The following ZNF568 variants were observed in gnomAD, a reference collection of about 807,000 sequenced individuals.
ZNF568 encodes the protein zinc finger protein 568, also known as p53 inhibitor of SCO2 activation.
Under a neutral mutation model 18.1 loss-of-function variants are expected in ZNF568, and 11 were observed. The observed-to-expected ratio is 0.61, with a 90% CI of 0.38 to 1.00. The LOEUF (loss-of-function observed/expected upper bound fraction) is 1.00, where lower values mean the gene tolerates loss of function less well. ZNF568 is among the 50% of genes least tolerant of loss of function. The pLI is 0.01. For missense variants in ZNF568, 639 were observed against 768.2 expected, an observed-to-expected ratio of 0.83 and a Z score of 1.99; for synonymous variants, 213 against 246.6, an observed-to-expected ratio of 0.86 and a Z score of 1.28.
chr19:36,948,171 C>A (rs1167231751), intron 6 of ZNF568, among the ~76,000 whole-genome samples: 1 of 152,136 alleles, frequency 6.6e-6, no homozygotes, highest in Non-Finnish European at 1.5e-5. Flanking sequence ...CTCTGGCAAC[C>A]ACTGATACCT....
At chr19:36,997,555 A>G, downstream of ZNF568, 1 of 1,586,160 alleles carries the variant, frequency 6.3e-7, no homozygotes. Context: ...CTACGAGTGT[A>G]AGGAGTGTGG....
chr19:36,993,610 C>T (rs2074444212), intron 4 of ZNF568, among the ~76,000 whole-genome samples: 1 of 152,062 alleles, frequency 6.6e-6, no homozygotes, highest in African/African-American at 2.4e-5. Flanking sequence ...TCTATTTCCT[C>T]TTGAGTCAAT....
downstream of ZNF568, among the ~76,000 whole-genome samples, chr19:36,954,389 T>C (rs1332975093): frequency 2.0e-5 from 3 of 152,182 alleles, no homozygotes; most frequent in East Asian, 5.8e-4. Context: ...CAGTTTTGAT[T>C]GTTATTAGGT....
At chr19:36,923,173 C>G (rs961854446) in intron 3 of ZNF568, among the ~76,000 whole-genome samples, 1 of 152,170 alleles carries the variant, frequency 6.6e-6, no homozygotes, top group African/African-American at 2.4e-5. Context: ...TCTCAATATT[C>G]TGGTATTCAC....
chr19:36,988,073 G>C (rs572087250), intron 2 of ZNF568, among the ~76,000 whole-genome samples: 2 of 152,028 alleles, frequency 1.3e-5, no homozygotes. Flanking sequence ...CTATGTGTTA[G>C]TATGTCTCCT....
chr19:36,995,902 G>A (rs535393342), intron 4 of ZNF568, among the ~76,000 whole-genome samples: 8 of 152,210 alleles, frequency 5.3e-5, no homozygotes, highest in East Asian at 1.9e-4. Flanking sequence ...AATATTGGCA[G>A]GATAATAACC....
intron 4 of ZNF568, chr19:36,996,186 C>T: frequency 1.3e-6 from 1 of 786,860 alleles, no homozygotes; most frequent in East Asian, 2.7e-5. Context: ...TTTTCACTTC[C>T]CTTTTTTTTT....
At chr19:36,986,944 G>C (rs2074381324) in intron 2 of ZNF568, among the ~76,000 whole-genome samples, 1 of 152,180 alleles carries the variant, frequency 6.6e-6, no homozygotes, top group Non-Finnish European at 1.5e-5. Flanking sequence ...GAAGTTAGAA[G>C]GCAACCAGCT....
chr19:36,991,561 G>A, intron 3 of ZNF568: 2 of 629,888 alleles, frequency 3.2e-6, no homozygotes, highest in Non-Finnish European at 5.2e-6. Context: ...GAATGGTTAA[G>A]TGGAATCACA....
intron 2 of ZNF568, among the ~76,000 whole-genome samples, chr19:36,985,486 C>T (rs1019184991): frequency 6.7e-6 from 1 of 150,010 alleles, no homozygotes; most frequent in African/African-American, 2.5e-5. Context: ...TGGAATTATG[C>T]CTCTTTGCAT....
At chr19:36,919,883 T>C (rs1281955508) in intron 2 of ZNF568, among the ~76,000 whole-genome samples, 3 of 152,228 alleles carry the variant, frequency 2.0e-5, no homozygotes, top group Non-Finnish European at 4.4e-5. Context: ...CATAAAATTA[T>C]GTACAGTACA....
intron 6 of ZNF568, among the ~76,000 whole-genome samples, chr19:36,941,459 C>T (rs139032405): frequency 8.5e-4 from 130 of 152,284 alleles, no homozygotes; most frequent in African/African-American, 3.1e-3. Context: ...ATTAGACCTT[C>T]CTATTTCTAA....
intron 6 of ZNF568, among the ~76,000 whole-genome samples, chr19:36,969,627 C>T (rs777460708): frequency 1.3e-4 from 19 of 151,864 alleles, no homozygotes; most frequent in Non-Finnish European, 2.1e-4. Flanking sequence ...AAGCTGCCTG[C>T]GTTCTTTTGC....
intron 4 of ZNF568, among the ~76,000 whole-genome samples, chr19:36,992,362 C>T (rs946893982): frequency 1.3e-5 from 2 of 151,894 alleles, no homozygotes; most frequent in African/African-American, 4.8e-5. Context: ...ATTAGCTGGG[C>T]ATGGTGGCAG....
intron 6 of ZNF568, among the ~76,000 whole-genome samples, chr19:36,961,680 C>T (rs990469195): frequency 6.6e-6 from 1 of 152,038 alleles, no homozygotes; most frequent in Non-Finnish European, 1.5e-5. Flanking sequence ...TGCGCTGGCA[C>T]GCCTGGCTAT....
downstream of ZNF568, among the ~76,000 whole-genome samples, chr19:36,954,706 C>A (rs1049043678): frequency 1.3e-5 from 2 of 151,620 alleles, no homozygotes; most frequent in African/African-American, 4.9e-5. Context: ...GCAGCTGGGA[C>A]CACAGGTGCG....
intron 4 of ZNF568, among the ~76,000 whole-genome samples, chr19:36,927,883 T>TA (rs1207188937): frequency 5.5e-5 from 3 of 54,940 alleles, no homozygotes; most frequent in African/African-American, 1.2e-4. Context: ...TATATATATA[T>TA]ATATTATATA....
In ZNF568 at chr19:36,952,038, C is replaced by CTTTTTTTTT. The variant is rs138419937; in HGVS notation, c.*959_*967dup. 4 of 880,886 alleles carry CTTTTTTTTT rather than the reference C, an allele frequency of 4.5e-6. No individual in the cohort carries two copies. The highest frequency in any genetic ancestry group is 5.3e-6 in the Non-Finnish European group (4 of 759,314). 54.6% of individuals were successfully genotyped at this position (880,886 alleles called of 1,614,324 possible). On this transcript the variant is annotated 3_prime_UTR_variant, in exon 7 of 7. Transcript: ENST00000333987. Reference sequence around the variant, plus strand: ...TGTCTATGACGTTGAGGCCAAGGAGCTTTTTTTTTTTTTTTTTCAAGACAA... The same window carrying CTTTTTTTTT: ...TGTCTATGACGTTGAGGCCAAGGAGCTTTTTTTTTTTTTTTTTTTTTTTTTTCAAGACAA...
intron 6 of ZNF568, among the ~76,000 whole-genome samples, chr19:36,962,877 T>G (rs1031338413): frequency 6.6e-6 from 1 of 152,156 alleles, no homozygotes; most frequent in African/African-American, 2.4e-5. Context: ...TATAGGTGAC[T>G]AGATGCTTTT....
Sources: allele counts gnomAD v4.1 joint callset (sites outside exome capture counted in the v4.1 genomes callset), GRCh38; gene constraint gnomAD v4.1.1; transcripts MANE v1.5; gene names NCBI Gene and HGNC (gene_info 2026-07-23, HGNC 2026-07-21).